MYO1D: variants seen among roughly 807,000 people sequenced by gnomAD.
MYO1D encodes myosin ID, also known as unconventional myosin-Id.
In MYO1D, 83 loss-of-function variants were observed where a neutral mutation model predicts 122.0. That is an observed-to-expected ratio of 0.68 (90% confidence interval 0.57 to 0.82). MYO1D has a LOEUF of 0.82. MYO1D is among the 40% of genes least tolerant of loss of function. The pLI is 0.00. For missense variants in MYO1D, 1,157 were observed against 1,269.5 expected, an observed-to-expected ratio of 0.91 and a Z score of 1.35; for synonymous variants, 464 against 446.9, an observed-to-expected ratio of 1.04 and a Z score of -0.48.
At chr17:32,741,449 A>G (rs1166425752) in intron 13 of MYO1D, among the ~76,000 whole-genome samples, 1 of 151,886 alleles carries the variant, frequency 6.6e-6, no homozygotes, top group Admixed American at 6.6e-5. Context: ...AATATACACA[A>G]TATGCTGCAT....
chr17:32,633,280 A>T (rs321184), intron 20 of MYO1D, among the ~76,000 whole-genome samples: 1 of 152,002 alleles, frequency 6.6e-6, no homozygotes, highest in African/African-American at 2.4e-5. Flanking sequence ...AACAAAATCA[A>T]TAAGAGAGAC....
intron 15 of MYO1D, among the ~76,000 whole-genome samples, chr17:32,715,692 A>G (rs533689213): frequency 2.0e-5 from 3 of 152,150 alleles, no homozygotes; most frequent in Non-Finnish European, 4.4e-5. Context: ...ATATAAACAT[A>G]TATTTTCAAT....
intron 1 of MYO1D, among the ~76,000 whole-genome samples, chr17:32,786,545 C>A (rs543700248): frequency 6.6e-6 from 1 of 152,216 alleles, no homozygotes; most frequent in Non-Finnish European, 1.5e-5. Flanking sequence ...TTAGGCCGGG[C>A]GCACTGGCTC....
At chr17:32,872,553 C>T (rs922502430) in intron 1 of MYO1D, among the ~76,000 whole-genome samples, 4 of 151,826 alleles carry the variant, frequency 2.6e-5, no homozygotes, top group Non-Finnish European at 5.9e-5. Flanking sequence ...GGATTACAGG[C>T]GTGAGCCACC....
At chr17:32,786,311 A>G (rs1045894878) in intron 1 of MYO1D, among the ~76,000 whole-genome samples, 1 of 152,228 alleles carries the variant, frequency 6.6e-6, no homozygotes, top group Non-Finnish European at 1.5e-5. Context: ...GAAAAAGTGC[A>G]GTGGCTCTGC....
intron 16 of MYO1D, among the ~76,000 whole-genome samples, chr17:32,698,055 G>A (rs2089196397): frequency 6.6e-6 from 1 of 152,104 alleles, no homozygotes; most frequent in Admixed American, 6.6e-5. Context: ...TGTGACCTCT[G>A]CCAAGGTCCT....
intron 19 of MYO1D, among the ~76,000 whole-genome samples, chr17:32,642,664 C>G (rs1284535188): frequency 6.6e-6 from 1 of 152,034 alleles, no homozygotes; most frequent in Non-Finnish European, 1.5e-5. Context: ...AGTTGGATTC[C>G]TAGGTATTTT....
chr17:32,654,669 A>ACGCC, intron 17 of MYO1D, 48 bp from the exon 18 acceptor site: 1 of 1,470,692 alleles, frequency 6.8e-7, no homozygotes, highest in African/African-American at 1.4e-5. Flanking sequence ...ATGCAATCCC[A>ACGCC]TGCATTCTCT....
At chr17:32,631,823 A>C (rs763855695) in intron 20 of MYO1D, among the ~76,000 whole-genome samples, 7 of 152,212 alleles carry the variant, frequency 4.6e-5, no homozygotes, top group Non-Finnish European at 1.0e-4. Flanking sequence ...GTGTCACAAG[A>C]CAGAAATAAA....
rs185873332 is a variant in MYO1D at position 32,543,690 on chromosome 17, C to T, written c.2865-48775G>A. 3.9e-5 allele frequency among the ~76,000 whole-genome samples: 6 copies of T among 152,190 alleles called. No homozygotes were observed. In the South Asian group the frequency reaches 1.0e-3, roughly 26 times the overall value. On this transcript the variant is annotated intron_variant, in intron 21 of 21. Coordinates refer to ENST00000318217, the MANE Select transcript of MYO1D (RefSeq NM_015194.3). Reference sequence around the variant, plus strand: ...GGTGCCCTTCATGTCAAAGTCTAGGCGAGTGGCACCTGTGGAGTGTGCCTA... The same window carrying T: ...GGTGCCCTTCATGTCAAAGTCTAGGTGAGTGGCACCTGTGGAGTGTGCCTA...
At chr17:32,824,278 TC>T (rs2090702194) in intron 1 of MYO1D, among the ~76,000 whole-genome samples, 1 of 152,144 alleles carries the variant, frequency 6.6e-6, no homozygotes, top group African/African-American at 2.4e-5. Flanking sequence ...GTAATAATTC[TC>T]CCAAAATTTA....
At chr17:32,794,102 C>T (rs2090388477) in intron 1 of MYO1D, 1 of 152,212 alleles carries the variant, frequency 6.6e-6, no homozygotes, top group Non-Finnish European at 1.5e-5. Context: ...AACGGTGATC[C>T]AGCTTGGCTT....
chr17:32,519,564 T>TGCCCGA (rs1360560887), intron 21 of MYO1D, among the ~76,000 whole-genome samples: 4 of 151,792 alleles, frequency 2.6e-5, no homozygotes, highest in Non-Finnish European at 5.9e-5. Context: ...ACGAAGCCGC[T>TGCCCGA]GCCCGAGCCC....
At chr17:32,824,066 C>CAAAA (rs58786179) in intron 1 of MYO1D, among the ~76,000 whole-genome samples, 930 of 92,448 alleles carry the variant, frequency 0.01, 19 homozygotes, top group African/African-American at 0.031. Flanking sequence ...GACTCCGTCT[C>CAAAA]AAAAAAAAAA....
intron 21 of MYO1D, among the ~76,000 whole-genome samples, chr17:32,513,450 G>T (rs931394452): frequency 1.3e-5 from 2 of 152,134 alleles, no homozygotes; most frequent in South Asian, 4.1e-4. Context: ...GAATGAGTTT[G>T]TTTTTTGGAC....
At chr17:32,550,100 ATTT>A (rs35465683) in intron 21 of MYO1D, among the ~76,000 whole-genome samples, 26 of 143,090 alleles carry the variant, frequency 1.8e-4, no homozygotes, top group African/African-American at 4.6e-4. Flanking sequence ...TTGAGCTATA[ATTT>A]TTTTTTTTTT....
At chr17:32,756,957 G>A (rs950385391) in intron 10 of MYO1D, among the ~76,000 whole-genome samples, 2 of 152,118 alleles carry the variant, frequency 1.3e-5, no homozygotes, top group African/African-American at 4.8e-5. Flanking sequence ...GGCCAACTCA[G>A]GCAAGCTGCA....
chr17:32,677,474 TG>T (rs2088829836), intron 16 of MYO1D, among the ~76,000 whole-genome samples: 1 of 151,908 alleles, frequency 6.6e-6, no homozygotes, highest in African/African-American at 2.4e-5. Context: ...GGTCAGCACC[TG>T]GTCAGGCAAT....
intron 14 of MYO1D, among the ~76,000 whole-genome samples, chr17:32,731,713 C>T (rs1284180647): frequency 6.6e-6 from 1 of 152,210 alleles, no homozygotes; most frequent in African/African-American, 2.4e-5. Flanking sequence ...GGAAGCCCCG[C>T]CCCCTTCCAA....
Sources: gnomAD v4.1 joint callset for allele counts (sites outside exome capture counted in the v4.1 genomes callset) on GRCh38, gnomAD v4.1.1 for gene constraint, MANE v1.5 for transcripts, NCBI Gene and HGNC (gene_info 2026-07-23, HGNC 2026-07-21) for gene names.